Variants in PDE4D observed in about 807,000 individuals in gnomAD.
The protein encoded by PDE4D is 3',5'-cyclic-AMP phosphodiesterase 4D.
A neutral mutation model predicts 87.4 loss-of-function variants in PDE4D; 24 were observed. The ratio of observed to expected loss-of-function variants is 0.27; its 90% CI spans 0.20 to 0.39. The LOEUF is 0.39. Among genes scored for constraint, PDE4D ranks in the 10% least tolerant of loss-of-function variants. The probability of loss-of-function intolerance (pLI) is 1.00; values close to 1 mark genes in which losing one functional copy is unlikely to be tolerated. For missense variants in PDE4D, 714 were observed against 1,041.0 expected (o/e 0.69, Z 4.32); for synonymous variants, 384 against 383.2 (o/e 1.00, Z -0.02).
chr5:59,277,604 T>C (rs1765063965), intron 1 of PDE4D, among the ~76,000 whole-genome samples: 1 of 152,136 alleles, frequency 6.6e-6, no homozygotes, highest in African/African-American at 2.4e-5. Flanking sequence ...CACTGTTCCC[T>C]CCATGTAAGG....
At chr5:60,289,644 T>C (rs1304418981) in intron 1 of PDE4D, among the ~76,000 whole-genome samples, 3 of 152,226 alleles carry the variant, frequency 2.0e-5, no homozygotes, top group Non-Finnish European at 2.9e-5. Context: ...TCTGGTTAAA[T>C]GTTTAAAGCT....
intron 1 of PDE4D, among the ~76,000 whole-genome samples, chr5:60,317,337 C>G (rs1412655390): frequency 6.6e-6 from 1 of 152,064 alleles, no homozygotes; most frequent in African/African-American, 2.4e-5. Context: ...GGTGATATCC[C>G]TTTTATTATT....
intron 5 of PDE4D, among the ~76,000 whole-genome samples, chr5:59,141,356 T>G (rs970693360): frequency 2.0e-5 from 3 of 152,218 alleles, no homozygotes; most frequent in Admixed American, 6.5e-5. Flanking sequence ...AGGCCACATT[T>G]GTTTTGTTGA....
intron 1 of PDE4D, among the ~76,000 whole-genome samples, chr5:59,849,523 C>T (rs940765711): frequency 6.6e-6 from 1 of 151,874 alleles, no homozygotes; most frequent in Non-Finnish European, 1.5e-5. Context: ...CTGTGAGCTG[C>T]ACTCATCTCT....
intron 1 of PDE4D, among the ~76,000 whole-genome samples, chr5:60,252,507 C>A (rs190616933): frequency 7.1e-4 from 107 of 150,608 alleles, no homozygotes; most frequent in Non-Finnish European, 1.5e-3. Context: ...AAGTGGGGAG[C>A]CTTTCAAATG....
intron 5 of PDE4D, among the ~76,000 whole-genome samples, chr5:59,123,172 C>G (rs1580917579): frequency 6.6e-6 from 1 of 152,144 alleles, no homozygotes. Flanking sequence ...TTCCAAAGAT[C>G]AATCAACGAG....
intron 1 of PDE4D, among the ~76,000 whole-genome samples, chr5:59,393,331 A>G (rs1244014899): frequency 2.6e-5 from 4 of 152,212 alleles, no homozygotes; most frequent in African/African-American, 9.6e-5. Flanking sequence ...ATGATAAAGA[A>G]CATCTCAAAA....
chr5:60,250,279 A>T (rs1033151378), intron 1 of PDE4D, among the ~76,000 whole-genome samples: 2 of 151,950 alleles, frequency 1.3e-5, no homozygotes, highest in African/African-American at 4.8e-5. Context: ...ACATAAAAGC[A>T]TGCTATGCTA....
At chr5:59,121,148 T>C (rs1452085262) in intron 5 of PDE4D, among the ~76,000 whole-genome samples, 1 of 152,192 alleles carries the variant, frequency 6.6e-6, no homozygotes, top group African/African-American at 2.4e-5. Flanking sequence ...GCAAAGATTT[T>C]ATGGCTAAAA....
At chr5:59,953,359 T>G (rs1322046054) in intron 3 of PDE4D, among the ~76,000 whole-genome samples, 1 of 149,102 alleles carries the variant, frequency 6.7e-6, no homozygotes, top group African/African-American at 2.4e-5. Context: ...TGTCTAGAAT[T>G]TTTTTTTTGT....
intron 1 of PDE4D, among the ~76,000 whole-genome samples, chr5:59,714,038 C>A (rs892712607): frequency 6.6e-6 from 1 of 152,124 alleles, no homozygotes; most frequent in Non-Finnish European, 1.5e-5. Flanking sequence ...TGAATGCAGG[C>A]CTGGGTCCGT....
At chr5:59,172,048 TATA>T (rs1318960921) in intron 5 of PDE4D, among the ~76,000 whole-genome samples, 3 of 2,908 alleles carry the variant, frequency 1.0e-3, no homozygotes, top group African/African-American at 2.0e-3. Context: ...ATATATATAA[TATA>T]TATATATTAT....
chr5:59,395,512 G>A (rs1226449800), intron 1 of PDE4D, among the ~76,000 whole-genome samples: 1 of 151,992 alleles, frequency 6.6e-6, no homozygotes, highest in Non-Finnish European at 1.5e-5. Flanking sequence ...CAGACCTGCA[G>A]CTGAGGGTCC....
chr5:59,161,622 G>A (rs549037283), intron 5 of PDE4D, among the ~76,000 whole-genome samples: 19 of 152,186 alleles, frequency 1.2e-4, no homozygotes, highest in Admixed American at 2.6e-4. Context: ...CTTCCTTTGC[G>A]GCCTAAATCA....
At chr5:59,168,629 A>G (rs577431582) in intron 5 of PDE4D, among the ~76,000 whole-genome samples, 2 of 152,288 alleles carry the variant, frequency 1.3e-5, no homozygotes, top group South Asian at 4.1e-4. Flanking sequence ...ACATTCAGGA[A>G]TAGATGGTAT....
intron 1 of PDE4D, among the ~76,000 whole-genome samples, chr5:60,251,199 T>C (rs1748401160): frequency 2.0e-5 from 3 of 152,040 alleles, no homozygotes; most frequent in South Asian, 2.1e-4. Flanking sequence ...TAATTTTTTA[T>C]TGAAGAAAGA....
intron 1 of PDE4D, among the ~76,000 whole-genome samples, chr5:60,214,660 T>A (rs538815942): frequency 6.6e-6 from 1 of 152,280 alleles, no homozygotes; most frequent in East Asian, 1.9e-4. Flanking sequence ...CATGACATAT[T>A]ATGGACAAGT....
chr5:59,398,213 C>T (rs1406387250), intron 1 of PDE4D, among the ~76,000 whole-genome samples: 5 of 125,570 alleles, frequency 4.0e-5, no homozygotes, highest in Admixed American at 1.6e-4. Flanking sequence ...AGAGGGAATC[C>T]TCCCTAACTC....
chr5:60,440,238 A>G (rs888356677), intron 1 of PDE4D, among the ~76,000 whole-genome samples: 12 of 152,160 alleles, frequency 7.9e-5, no homozygotes, highest in African/African-American at 2.4e-4. Flanking sequence ...TAGTTTGATA[A>G]TGATGATTTC....
Sources: gnomAD v4.1 joint callset for allele counts (sites outside exome capture counted in the v4.1 genomes callset) on GRCh38, gnomAD v4.1.1 for gene constraint, MANE v1.5 for transcripts, NCBI Gene and HGNC (gene_info 2026-07-23, HGNC 2026-07-21) for gene names.